COL5A2: variants seen among roughly 807,000 people sequenced by gnomAD.
COL5A2 encodes collagen alpha-2(V) chain.
In COL5A2, 23 loss-of-function variants were observed where a neutral mutation model predicts 208.2. The observed-to-expected ratio is 0.11, with a 90% CI of 0.08 to 0.16. The LOEUF (loss-of-function observed/expected upper bound fraction) is 0.16. Ranked by LOEUF, COL5A2 falls within the 10% of genes least tolerant of loss-of-function variation. The pLI is 1.00. For synonymous variants in COL5A2, 625 were observed against 628.5 expected, an observed-to-expected ratio of 0.99 and a Z score of 0.08; for missense variants, 1,590 against 1,956.4, an observed-to-expected ratio of 0.81 and a Z score of 3.53.
In COL5A2 at chr2:189,072,064, A is replaced by G. The variant is rs1346724459; in HGVS notation, c.1134T>C (p.Gly378=). Reference sequence around the variant, plus strand: ...CCTTCATTCCAGGATTTCCTGGAAAACCAGAAGAGCCTGGTATCCCAAGAG... The same window carrying G: ...CCTTCATTCCAGGATTTCCTGGAAAGCCAGAAGAGCCTGGTATCCCAAGAG... ...MGPLGIPGSS[G]FPGNPGMKGE... Residue 378 remains glycine, a synonymous_variant, in exon 18 of 54, where the codon GGT becomes GGC. Transcript: ENST00000374866. The G allele has an allele frequency of 6.2e-7, 1 of 1,609,042 alleles. No individual in the cohort carries two copies. Among genetic ancestry groups the G allele is most frequent in the Non-Finnish European group, 8.5e-7 (1 of 1,176,646 alleles).
rs765423398 is a variant in COL5A2 at position 189,100,141 on chromosome 2, T to G, written c.337-2A>C. The stretch of plus-strand genomic sequence containing the variant: ...TAATCCTGGTTCTCCCTTTTGTCCC[T>G]GTGACATTAAAAACAATTCAAAAAT... On this transcript the variant is annotated splice_acceptor_variant, in intron 3 of 53. Transcript: ENST00000374866. LOFTEE classifies it high-confidence loss of function. 6.2e-7 allele frequency: 1 copy of G among 1,610,528 alleles called. No homozygotes were observed. The highest frequency in any genetic ancestry group is 8.5e-7 in the Non-Finnish European group (1 of 1,176,986).
chr2:189,181,562 T>C (rs1382444707), upstream of COL5A2, among the ~76,000 whole-genome samples: 1 of 152,170 alleles, frequency 6.6e-6, no homozygotes, highest in African/African-American at 2.4e-5. Context: ...CATGAGGCAA[T>C]TTTAGACCAA....
the COL5A2 span, among the ~76,000 whole-genome samples, chr2:189,387,874 T>C: frequency 1.3e-5 from 2 of 152,206 alleles, no homozygotes; most frequent in African/African-American, 4.8e-5. Context: ...AATCTCTGCC[T>C]CCCAGGCTCA....
chr2:189,274,418 C>G, the COL5A2 span, among the ~76,000 whole-genome samples: 6 of 152,160 alleles, frequency 3.9e-5, no homozygotes, highest in African/African-American at 1.4e-4. Context: ...GTTTTGTCCA[C>G]AAGTTCTGTC....
At chr2:189,348,106 C>T in the COL5A2 span, among the ~76,000 whole-genome samples, 2 of 152,030 alleles carry the variant, frequency 1.3e-5, no homozygotes, top group South Asian at 2.1e-4. Flanking sequence ...TAGAGCAACC[C>T]TTGCTTAGGA....
the COL5A2 span, among the ~76,000 whole-genome samples, chr2:189,340,119 T>A: frequency 6.6e-5 from 10 of 152,218 alleles, no homozygotes; most frequent in African/African-American, 2.4e-4. Context: ...ATCAGCAGGG[T>A]AAGGGGCAAG....
intron 1 of COL5A2, among the ~76,000 whole-genome samples, chr2:189,205,739 G>A (rs16831211): frequency 0.026 from 3,933 of 152,162 alleles, 175 homozygotes; most frequent in African/African-American, 0.09. Flanking sequence ...TTAATTTCTT[G>A]TGATTCCTAT....
At chr2:189,285,479 T>A in the COL5A2 span, among the ~76,000 whole-genome samples, 1 of 152,012 alleles carries the variant, frequency 6.6e-6, no homozygotes, top group Admixed American at 6.6e-5. Flanking sequence ...TATTATTTCA[T>A]TGGGTGCTCA....
At position 189,060,662 on chromosome 2, in the gene COL5A2, C is replaced by T. The variant is rs1686009410; in HGVS notation, c.2085+68G>A. Reference sequence around the variant, plus strand: ...TGTAAAGGAAAGCACAACAGAGCCTCACACATAAAAAGTGATAATTGAGCC... The same window carrying T: ...TGTAAAGGAAAGCACAACAGAGCCTTACACATAAAAAGTGATAATTGAGCC... On this transcript the variant is annotated intron_variant, in intron 31 of 53. Transcript: ENST00000374866. 32 of 1,313,956 alleles carry T rather than the reference C, an allele frequency of 2.4e-5. No individual in the cohort carries two copies. In the South Asian group the frequency reaches 3.8e-4, roughly 16 times the overall value. The allele number at this position is 1,313,956 out of a possible 1,614,324, so 81.4% of individuals were successfully genotyped here. A position where few individuals can be genotyped will look rare whatever the true frequency, so the allele number is the denominator to read the frequency against.
At chr2:189,100,079 A>C (rs773788045) in intron 4 of COL5A2, 28 bp downstream of exon 4, 1 of 1,567,592 alleles carries the variant, frequency 6.4e-7, no homozygotes. Context: ...TTAAGGTACA[A>C]GGAAACAATG....
intron 1 of COL5A2, among the ~76,000 whole-genome samples, chr2:189,157,497 A>C (rs1688277533): frequency 6.6e-6 from 1 of 151,928 alleles, no homozygotes; most frequent in Admixed American, 6.6e-5. Flanking sequence ...AATTACAAAC[A>C]CATAGTTCTG....
intron 1 of COL5A2, among the ~76,000 whole-genome samples, chr2:189,192,003 G>T (rs1234923064): frequency 6.6e-6 from 1 of 152,030 alleles, no homozygotes; most frequent in Non-Finnish European, 1.5e-5. Flanking sequence ...GGATGAATCA[G>T]TAACCATACA....
At chr2:189,139,740 T>C (rs1687899730) in intron 1 of COL5A2, among the ~76,000 whole-genome samples, 1 of 152,236 alleles carries the variant, frequency 6.6e-6, no homozygotes, top group Non-Finnish European at 1.5e-5. Flanking sequence ...AATTATTTTG[T>C]AAATTTAAAA....
the COL5A2 span, among the ~76,000 whole-genome samples, chr2:189,295,492 G>A: frequency 6.6e-6 from 1 of 152,178 alleles, no homozygotes; most frequent in Non-Finnish European, 1.5e-5. Context: ...GCACGTGCCT[G>A]TAATCTCAGC....
chr2:189,347,082 G>A, the COL5A2 span, among the ~76,000 whole-genome samples: 1 of 152,148 alleles, frequency 6.6e-6, no homozygotes, highest in South Asian at 2.1e-4. Flanking sequence ...CTTTCAAAAA[G>A]CTGCCAAGGG....
At chr2:189,303,760 C>T in the COL5A2 span, among the ~76,000 whole-genome samples, 1 of 152,206 alleles carries the variant, frequency 6.6e-6, no homozygotes, top group Non-Finnish European at 1.5e-5. Flanking sequence ...AAACGCGGAG[C>T]TGTAACCAAT....
At chr2:189,055,173 G>A (rs994523207) in intron 35 of COL5A2, among the ~76,000 whole-genome samples, 3 of 152,078 alleles carry the variant, frequency 2.0e-5, no homozygotes, top group African/African-American at 7.2e-5. Flanking sequence ...GTGAGCCATC[G>A]CGCCCAGCCA....
chr2:189,037,777 A>G (rs1485118030), intron 51 of COL5A2, among the ~76,000 whole-genome samples: 1 of 152,200 alleles, frequency 6.6e-6, no homozygotes, highest in East Asian at 1.9e-4. Flanking sequence ...ATTAAACTAC[A>G]TGAAAGGAAT....
chr2:189,317,899 T>C, the COL5A2 span, among the ~76,000 whole-genome samples: 1 of 152,210 alleles, frequency 6.6e-6, no homozygotes, highest in Non-Finnish European at 1.5e-5. Flanking sequence ...ATTATTTGAC[T>C]GACCAAAATA....
Sources: allele counts gnomAD v4.1 joint callset (sites outside exome capture counted in the v4.1 genomes callset), GRCh38; gene constraint gnomAD v4.1.1; transcripts MANE v1.5; gene names NCBI Gene and HGNC (gene_info 2026-07-23, HGNC 2026-07-21).